Variants in VAV3 observed in about 807,000 individuals in gnomAD.
VAV3 encodes guanine nucleotide exchange factor VAV3.
In VAV3, 94 loss-of-function variants were observed where a neutral mutation model predicts 131.2. That is an observed-to-expected ratio of 0.72 (90% CI 0.61 to 0.85). The LOEUF (loss-of-function observed/expected upper bound fraction) is 0.85. VAV3 is among the 40% of genes least tolerant of loss of function. The pLI is 0.00. For synonymous variants in VAV3, 349 were observed against 342.0 expected (o/e 1.02, Z -0.22); for missense variants, 939 against 1,002.7 (o/e 0.94, Z 0.86).
At chr1:107,866,291 G>A (rs921107316) in intron 2 of VAV3, among the ~76,000 whole-genome samples, 9 of 152,086 alleles carry the variant, frequency 5.9e-5, no homozygotes, top group African/African-American at 1.7e-4. Context: ...CTTCTGAGGA[G>A]GCAAGAATTG....
chr1:107,772,903 A>G, intron 4 of VAV3, 60 bp from the exon 5 acceptor site: 1 of 1,390,114 alleles, frequency 7.2e-7, no homozygotes, highest in South Asian at 1.2e-5. Context: ...CAATAGCTAC[A>G]AATAGCCTAC....
At chr1:107,793,780 T>G (rs1162694031) in intron 2 of VAV3, among the ~76,000 whole-genome samples, 1 of 152,234 alleles carries the variant, frequency 6.6e-6, no homozygotes, top group African/African-American at 2.4e-5. Flanking sequence ...TTAAGAACCC[T>G]AATCTAGTAG....
intron 2 of VAV3, among the ~76,000 whole-genome samples, chr1:107,839,999 C>G (rs1414750383): frequency 6.6e-6 from 1 of 152,088 alleles, no homozygotes; most frequent in African/African-American, 2.4e-5. Context: ...CCTGTATCAG[C>G]TAAAGAAGTC....
At chr1:107,751,431 A>T (rs1156488334) in intron 12 of VAV3, among the ~76,000 whole-genome samples, 1 of 152,198 alleles carries the variant, frequency 6.6e-6, no homozygotes, top group Non-Finnish European at 1.5e-5. Context: ...TTTAATTAGT[A>T]TATATTCTTA....
At chr1:107,841,529 G>A (rs2100923707) in intron 2 of VAV3, among the ~76,000 whole-genome samples, 2 of 152,304 alleles carry the variant, frequency 1.3e-5, no homozygotes, top group Middle Eastern at 6.8e-3. Context: ...ATCACTGCTT[G>A]TGGGTGCCAT....
At chr1:107,933,782 T>C (rs987849537) in intron 1 of VAV3, among the ~76,000 whole-genome samples, 3 of 133,158 alleles carry the variant, frequency 2.3e-5, no homozygotes, top group Non-Finnish European at 3.1e-5. Context: ...CACCACTCCA[T>C]GCCAGCCAGG....
intron 2 of VAV3, among the ~76,000 whole-genome samples, chr1:107,810,019 T>A (rs929372635): frequency 1.3e-5 from 2 of 152,226 alleles, no homozygotes; most frequent in African/African-American, 4.8e-5. Flanking sequence ...TCTAGAAGTT[T>A]ATGTGTTTAT....
At chr1:107,866,035 G>A (rs1325725525) in intron 2 of VAV3, among the ~76,000 whole-genome samples, 3 of 152,130 alleles carry the variant, frequency 2.0e-5, no homozygotes, top group African/African-American at 4.8e-5. Context: ...CACTTCCCAA[G>A]GATAAGGAGG....
chr1:107,604,404 G>A (rs1051916666), intron 22 of VAV3, among the ~76,000 whole-genome samples: 3 of 152,118 alleles, frequency 2.0e-5, no homozygotes, highest in Non-Finnish European at 4.4e-5. Context: ...TAAAAGAAAA[G>A]TTATAACAAC....
intron 13 of VAV3, 60 bp downstream of exon 13, chr1:107,751,057 G>T: frequency 6.6e-7 from 1 of 1,506,504 alleles, no homozygotes; most frequent in Non-Finnish European, 9.1e-7. Context: ...TGTCTTTAAG[G>T]TTTTCTCAGT....
chr1:107,878,288 G>A (rs977451832), intron 1 of VAV3, among the ~76,000 whole-genome samples: 1 of 152,044 alleles, frequency 6.6e-6, no homozygotes, highest in African/African-American at 2.4e-5. Context: ...TTATATCTAA[G>A]AAAATTAACA....
intron 1 of VAV3, among the ~76,000 whole-genome samples, chr1:107,955,524 G>A (rs983658903): frequency 6.6e-6 from 1 of 152,006 alleles, no homozygotes; most frequent in Non-Finnish European, 1.5e-5. Context: ...AAAAAAAACT[G>A]CAAAACAGCA....
intron 1 of VAV3, among the ~76,000 whole-genome samples, chr1:107,876,784 A>G (rs1670521352): frequency 6.6e-6 from 1 of 152,206 alleles, no homozygotes; most frequent in African/African-American, 2.4e-5. Flanking sequence ...CTTTAAATAG[A>G]TGCATTTTAT....
At chr1:107,926,176 C>T (rs1290715066) in intron 1 of VAV3, among the ~76,000 whole-genome samples, 2 of 151,658 alleles carry the variant, frequency 1.3e-5, no homozygotes, top group Admixed American at 1.3e-4. Context: ...CAGCTACTCG[C>T]GAGGCTGAGG....
chr1:107,779,464 C>A lies in VAV3; in HGVS notation c.350G>T (p.Arg117Leu), dbSNP rs758385220. The A allele has an allele frequency of 1.9e-6, 3 of 1,586,180 alleles. No homozygotes were observed. The highest frequency in any genetic ancestry group is 8.6e-7 in the Non-Finnish European group (1 of 1,165,692). ...TCCTGTGGCCAATGCTATAGGTGTTCGAGAAAGTCGTGATAATGTTTCTAT... is the reference window on the plus strand; with the variant it reads ...TCCTGTGGCCAATGCTATAGGTGTTAGAGAAAGTCGTGATAATGTTTCTAT... Reference protein sequence around the residue: ...KVIETLSRLSRTPIALATGIR... With the variant: ...KVIETLSRLSLTPIALATGIR... The change falls in exon 3 of 27, where the codon CGA becomes CTA. Residue 117 changes from arginine (R) to leucine (L), a missense_variant. Coordinates refer to ENST00000370056, the MANE Select transcript of VAV3 (RefSeq NM_006113.5).
chr1:107,683,752 T>C (rs1658818819), intron 18 of VAV3, among the ~76,000 whole-genome samples: 1 of 152,184 alleles, frequency 6.6e-6, no homozygotes, highest in Non-Finnish European at 1.5e-5. Context: ...AAGTTGTTGG[T>C]ACCTTATAAC....
intron 15 of VAV3, among the ~76,000 whole-genome samples, chr1:107,742,529 G>A (rs1031575250): frequency 2.0e-5 from 3 of 152,156 alleles, no homozygotes; most frequent in African/African-American, 7.2e-5. Flanking sequence ...GATAAATTGA[G>A]ATTCCAAACA....
chr1:107,930,630 A>AT (rs1557931056), intron 1 of VAV3, among the ~76,000 whole-genome samples: 1 of 152,184 alleles, frequency 6.6e-6, no homozygotes, highest in South Asian at 2.1e-4. Flanking sequence ...AACTAATGAC[A>AT]TTTTTTTAAC....
At chr1:107,784,154 CCT>C (rs761692572) in intron 2 of VAV3, among the ~76,000 whole-genome samples, 5 of 152,052 alleles carry the variant, frequency 3.3e-5, no homozygotes, top group Admixed American at 6.6e-5. Context: ...TCACACCTCT[CCT>C]CTCTCTTCTG....
Sources: gnomAD v4.1 joint callset for allele counts (sites outside exome capture counted in the v4.1 genomes callset) on GRCh38, gnomAD v4.1.1 for gene constraint, MANE v1.5 for transcripts, NCBI Gene and HGNC (gene_info 2026-07-23, HGNC 2026-07-21) for gene names.